Variants in ARHGAP6 observed in about 807,000 individuals in gnomAD.
ARHGAP6 encodes Rho GTPase activating protein 6.
ARHGAP6 carries 16 observed loss-of-function variants against 55.7 expected under a neutral mutation model. That is an observed-to-expected ratio of 0.29 (90% CI 0.19 to 0.44). The LOEUF is 0.44. Among genes scored for constraint, ARHGAP6 ranks in the 20% least tolerant of loss-of-function variants. ARHGAP6 has a pLI of 1.00. For synonymous variants in ARHGAP6, 382 were observed against 360.9 expected, an observed-to-expected ratio of 1.06 and a Z score of -0.66; for missense variants, 698 against 808.9, an observed-to-expected ratio of 0.86 and a Z score of 1.66.
intron 1 of ARHGAP6, chrX:11,334,775 C>A: frequency 3.9e-6 from 1 of 254,994 alleles, no homozygotes. Context: ...TCACCACTGG[C>A]AAAGCCTTGG....
At chrX:11,631,422 G>A (rs1254688747) in intron 1 of ARHGAP6, among the ~76,000 whole-genome samples, 1 of 110,202 alleles carries the variant, frequency 9.1e-6, no homozygotes, top group African/African-American at 3.3e-5. Flanking sequence ...CTACTTGGGA[G>A]GCCAGAGGTA....
chrX:11,622,727 T>C (rs1251204750), intron 1 of ARHGAP6, among the ~76,000 whole-genome samples: 2 of 111,856 alleles, frequency 1.8e-5, no homozygotes, highest in Non-Finnish European at 3.8e-5. Flanking sequence ...TAAGCTGTAC[T>C]ATTTAGCATA....
intron 1 of ARHGAP6, among the ~76,000 whole-genome samples, chrX:11,358,183 C>T (rs970993364): frequency 5.4e-5 from 6 of 111,816 alleles, no homozygotes; most frequent in Non-Finnish European, 1.1e-4. Context: ...ATAACATTTT[C>T]GAGGTTTGCA....
intron 1 of ARHGAP6, among the ~76,000 whole-genome samples, chrX:11,608,391 T>A (rs2052060456): frequency 8.9e-6 from 1 of 111,834 alleles, no homozygotes; most frequent in African/African-American, 3.2e-5. Context: ...AATAGGTGCC[T>A]AGTAAACTCT....
chrX:11,450,203 A>AGTGTGTGTGTGTGTGT (rs34050296), intron 1 of ARHGAP6, among the ~76,000 whole-genome samples: 2 of 90,168 alleles, frequency 2.2e-5, no homozygotes, highest in African/African-American at 4.1e-5. Flanking sequence ...ACAAATAATA[A>AGTGTGTGTGTGTGTGT]GTGTGTGTGT....
intron 1 of ARHGAP6, among the ~76,000 whole-genome samples, chrX:11,419,394 T>C (rs916563299): frequency 8.9e-6 from 1 of 112,133 alleles, no homozygotes; most frequent in Non-Finnish European, 1.9e-5. Context: ...GCCTTAACTT[T>C]TGAGATAAAA....
At chrX:11,427,817 A>G (rs1603202186) in intron 1 of ARHGAP6, 2 of 75,973 alleles carry the variant, frequency 2.6e-5, no homozygotes, top group Non-Finnish European at 1.5e-5. Flanking sequence ...GAGGGGGAAG[A>G]GGAGGAGGAG....
Position 11,409,251 on chromosome X carries a change from T to C in ARHGAP6, c.589-154544A>G, listed in dbSNP as rs188432896. ...CTGTAGGTCTTGGCCTAGTCTTCAC[T>C]TTTAAAGCATAACAGATATAATAAC... On this transcript the variant is annotated intron_variant, in intron 1 of 12. Coordinates refer to ENST00000337414, the MANE Select transcript of ARHGAP6 (RefSeq NM_013427.3). Among the ~76,000 whole-genome samples the C allele has an allele frequency of 2.5e-3, 282 of 112,307 alleles. 1 individual carries two copies. The highest frequency in any genetic ancestry group is 3.8e-3 in the Non-Finnish European group (202 of 53,276).
intron 1 of ARHGAP6, among the ~76,000 whole-genome samples, chrX:11,443,366 T>C (rs1380595474): frequency 8.9e-6 from 1 of 112,421 alleles, no homozygotes; most frequent in Admixed American, 9.4e-5. Context: ...TTCTGGTCCA[T>C]CCCTTTTGGT....
In ARHGAP6 at chrX:11,296,058, G is replaced by A. The variant is rs184827613; in HGVS notation, c.589-41351C>T. Among the ~76,000 whole-genome samples, 159 of 111,804 alleles carry A rather than the reference G, an allele frequency of 1.4e-3. 1 individual carries two copies. Among genetic ancestry groups the A allele is most frequent in the African/African-American group, 4.8e-3 (148 of 30,750 alleles). On this transcript the variant is annotated intron_variant, in intron 1 of 12. Coordinates refer to ENST00000337414, the MANE Select transcript of ARHGAP6 (RefSeq NM_013427.3). The stretch of plus-strand genomic sequence containing the variant: ...TTGAAAATTTTTCTGCCATAAAACC[G>A]TTGGCAGAATAATAAAAAAAGATCG...
chrX:11,241,570 G>A (rs2047281496), intron 2 of ARHGAP6, among the ~76,000 whole-genome samples: 1 of 88,328 alleles, frequency 1.1e-5, no homozygotes. Flanking sequence ...GTGTGTGTGT[G>A]TGTGCGCGTG....
At chrX:11,628,178 T>G (rs1040564097) in intron 1 of ARHGAP6, among the ~76,000 whole-genome samples, 1 of 112,366 alleles carries the variant, frequency 8.9e-6, no homozygotes, top group Non-Finnish European at 1.9e-5. Context: ...TTTGAGATTT[T>G]AGAAGAAAAC....
In ARHGAP6 at chrX:11,588,772, G is replaced by A. The variant is rs181693585; in HGVS notation, c.588+75469C>T. Among the ~76,000 whole-genome samples the A allele has an allele frequency of 9.0e-5, 10 of 111,640 alleles. No individual in the cohort carries two copies. In the South Asian group the frequency reaches 1.1e-3, roughly 13 times the overall value. On this transcript the variant is annotated intron_variant, in intron 1 of 12. Coordinates refer to ENST00000337414, the MANE Select transcript of ARHGAP6 (RefSeq NM_013427.3). ...GTTTCTTAGGGCTGAGGAGGAGAAC[G>A]GAATGAGGGGTGGCTGCTAAAGGAC... is the stretch of plus-strand genomic sequence containing the variant.
chrX:11,359,298 A>T (rs1713136029), intron 1 of ARHGAP6, among the ~76,000 whole-genome samples: 1 of 112,067 alleles, frequency 8.9e-6, no homozygotes, highest in Non-Finnish European at 1.9e-5. Flanking sequence ...AAAAACAAAC[A>T]AGTTTTTCCA....
chrX:11,535,552 T>C (rs1174570611), intron 1 of ARHGAP6, among the ~76,000 whole-genome samples: 1 of 111,947 alleles, frequency 8.9e-6, no homozygotes, highest in Non-Finnish European at 1.9e-5. Context: ...TTCTCCTCAA[T>C]GATCAACAGC....
chrX:11,471,096 A>G (rs915174307), intron 1 of ARHGAP6, among the ~76,000 whole-genome samples: 16 of 112,285 alleles, frequency 1.4e-4, no homozygotes, highest in African/African-American at 5.2e-4. Flanking sequence ...AAGTAAAATG[A>G]TAACATTAGA....
At chrX:11,481,142 T>C (rs2050452647) in intron 1 of ARHGAP6, among the ~76,000 whole-genome samples, 1 of 111,166 alleles carries the variant, frequency 9.0e-6, no homozygotes, top group Admixed American at 9.6e-5. Context: ...GGATTTTTTT[T>C]CCTCTCCCTC....
At chrX:11,233,539 T>G (rs2047161082) in intron 2 of ARHGAP6, among the ~76,000 whole-genome samples, 1 of 111,733 alleles carries the variant, frequency 8.9e-6, no homozygotes, top group African/African-American at 3.2e-5. Context: ...ATTCCTACCT[T>G]TTAGAAGGAG....
chrX:11,434,661 C>T (rs1183538496), intron 1 of ARHGAP6, among the ~76,000 whole-genome samples: 1 of 111,274 alleles, frequency 9.0e-6, no homozygotes, highest in Non-Finnish European at 1.9e-5. Context: ...GGTTTCCCTC[C>T]CCTCCCCCCG....
Sources: allele counts gnomAD v4.1 joint callset (sites outside exome capture counted in the v4.1 genomes callset), GRCh38; gene constraint gnomAD v4.1.1; transcripts MANE v1.5; gene names NCBI Gene and HGNC (gene_info 2026-07-23, HGNC 2026-07-21).